PTPRD: variants seen among roughly 807,000 people sequenced by gnomAD.
PTPRD encodes the protein protein tyrosine phosphatase receptor type D.
PTPRD carries 34 observed loss-of-function variants against 214.5 expected under a neutral mutation model. That is an observed-to-expected ratio of 0.16 (90% CI 0.12 to 0.21). The LOEUF is 0.21. Ranked by LOEUF, PTPRD falls within the 10% of genes least tolerant of loss-of-function variation. PTPRD has a pLI of 1.00. For missense variants in PTPRD, 2,545 were observed against 2,398.7 expected (o/e 1.06, Z -1.27); for synonymous variants, 1,128 against 845.7 (o/e 1.33, Z -5.79).
At chr9:10,097,398 T>A (rs537764901) in intron 3 of PTPRD, among the ~76,000 whole-genome samples, 1 of 147,526 alleles carries the variant, frequency 6.8e-6, no homozygotes, top group South Asian at 2.2e-4. Context: ...TTTGTTTGTA[T>A]CCTCTTTTAT....
intron 11 of PTPRD, among the ~76,000 whole-genome samples, chr9:8,881,183 C>A (rs1316536720): frequency 2.6e-5 from 4 of 152,152 alleles, no homozygotes; most frequent in African/African-American, 4.8e-5. Flanking sequence ...ACTGTGGATA[C>A]AATGGGAAAG....
rs903223526 is a variant in PTPRD at position 10,140,605 on chromosome 9, C to A, written c.-544-106815G>T. Among the ~76,000 whole-genome samples, 8 of 152,066 alleles carry A rather than the reference C, an allele frequency of 5.3e-5. No homozygotes were observed. In the East Asian group the frequency reaches 1.6e-3, roughly 30 times the overall value. Reference sequence around the variant, plus strand: ...CAGGAGCTGAAATTGTGGCAATAATCAATAGCTTACCAACGAAAAAAGTCC... The same window carrying A: ...CAGGAGCTGAAATTGTGGCAATAATAAATAGCTTACCAACGAAAAAAGTCC... On this transcript the variant is annotated intron_variant, in intron 3 of 45. Transcript: ENST00000381196.
At chr9:8,436,031 C>T (rs906150955) in intron 35 of PTPRD, among the ~76,000 whole-genome samples, 2 of 152,148 alleles carry the variant, frequency 1.3e-5, no homozygotes, top group Non-Finnish European at 2.9e-5. Flanking sequence ...TATCACAAAT[C>T]AGTGTATTTG....
rs369359363 is a variant in PTPRD, at chr9:9,943,413, AATTCATTC to A, written c.-471-4811_-471-4804del. Among the ~76,000 whole-genome samples the A allele has an allele frequency of 1.4e-3, 215 of 152,240 alleles. 2 individuals carry two copies. In the Middle Eastern group the frequency reaches 0.048, roughly 34 times the overall value. ...AACGTCAGGTCAGTAAGAAGTTTGA[AATTCATTC>A]ATTCATTCATTCCCAAAATATTTGA... On this transcript the variant is annotated intron_variant, in intron 4 of 45. Transcript: ENST00000381196.
chr9:9,515,068 C>T (rs1210438540), intron 8 of PTPRD, among the ~76,000 whole-genome samples: 1 of 151,986 alleles, frequency 6.6e-6, no homozygotes, highest in African/African-American at 2.4e-5. Flanking sequence ...AAAGTCCAAC[C>T]TGGTTTCTCT....
chr9:8,488,396 ATAAT>A (rs1177159483), intron 27 of PTPRD, among the ~76,000 whole-genome samples: 2 of 152,238 alleles, frequency 1.3e-5, no homozygotes, highest in African/African-American at 4.8e-5. Context: ...TTTTAGATAA[ATAAT>A]TATTCAACAA....
intron 4 of PTPRD, among the ~76,000 whole-genome samples, chr9:9,972,302 G>C (rs1167312006): frequency 6.6e-6 from 1 of 152,034 alleles, no homozygotes; most frequent in Non-Finnish European, 1.5e-5. Context: ...GTGAAAACTT[G>C]CCCCTATTTT....
chr9:8,585,591 T>C (rs1024460093), intron 14 of PTPRD, among the ~76,000 whole-genome samples: 2 of 152,200 alleles, frequency 1.3e-5, no homozygotes, highest in Admixed American at 6.5e-5. Context: ...CCAACCACCA[T>C]ACATTGCAAA....
chr9:8,650,375 C>T (rs929886378), intron 12 of PTPRD, among the ~76,000 whole-genome samples: 4 of 151,758 alleles, frequency 2.6e-5, no homozygotes, highest in East Asian at 2.0e-4. Flanking sequence ...ACTAAAAATA[C>T]AAAATTAGGC....
chr9:9,369,484 G>C (rs1596487412), intron 9 of PTPRD, among the ~76,000 whole-genome samples: 1 of 151,970 alleles, frequency 6.6e-6, no homozygotes, highest in Non-Finnish European at 1.5e-5. Flanking sequence ...AAATTTGTTG[G>C]AGTTCATTGT....
intron 5 of PTPRD, among the ~76,000 whole-genome samples, chr9:9,810,078 G>A (rs1768871): frequency 0.56 from 81,881 of 145,816 alleles, 25,947 homozygotes; most frequent in East Asian, 0.88. Flanking sequence ...CTCCTCTTCA[G>A]GCTACTCAGT....
chr9:8,324,775 T>A (rs1207770701), intron 44 of PTPRD, among the ~76,000 whole-genome samples: 1 of 152,188 alleles, frequency 6.6e-6, no homozygotes, highest in African/African-American at 2.4e-5. Context: ...GTTTCCTGAC[T>A]TTTTAATGAT....
intron 2 of PTPRD, among the ~76,000 whole-genome samples, chr9:10,453,831 A>T (rs1037280444): frequency 6.6e-6 from 1 of 151,572 alleles, no homozygotes; most frequent in Non-Finnish European, 1.5e-5. Flanking sequence ...TTTCAGTACT[A>T]TGTTCAATGA....
At chr9:10,140,882 A>G (rs1297429516) in intron 3 of PTPRD, among the ~76,000 whole-genome samples, 1 of 151,896 alleles carries the variant, frequency 6.6e-6, no homozygotes, top group East Asian at 1.9e-4. Context: ...CCAGCAGCAC[A>G]TCAAAAAGCT....
At chr9:10,579,905 T>TC (rs2071085033) in intron 2 of PTPRD, among the ~76,000 whole-genome samples, 3 of 152,092 alleles carry the variant, frequency 2.0e-5, no homozygotes, top group Admixed American at 6.5e-5. Flanking sequence ...AATGCCTTTC[T>TC]TTTTTTTAAG....
intron 3 of PTPRD, among the ~76,000 whole-genome samples, chr9:10,261,081 GTATA>G (rs57737102): frequency 7.5e-4 from 109 of 145,626 alleles, no homozygotes; most frequent in African/African-American, 2.5e-3. Flanking sequence ...ATATATGTGT[GTATA>G]TATATATATA....
chr9:9,744,840 C>T (rs539585598), intron 6 of PTPRD, among the ~76,000 whole-genome samples: 3 of 151,870 alleles, frequency 2.0e-5, no homozygotes, highest in East Asian at 1.9e-4. Context: ...TATGTGAGCC[C>T]TCCAGCAATT....
In PTPRD at chr9:9,411,262, C is replaced by CTTTTTTTTTTTTTTT. The variant is rs34617237; in HGVS notation, c.-236-13781_-236-13780insAAAAAAAAAAAAAAA. 1.4e-5 allele frequency among the ~76,000 whole-genome samples: 2 copies of CTTTTTTTTTTTTTTT among 139,842 alleles called. 1 individual carries two copies. The highest frequency in any genetic ancestry group is 3.0e-5 in the Non-Finnish European group (2 of 65,584). The allele number at this position is 139,842 out of a possible 152,430, so 91.7% of individuals were successfully genotyped here. ...TCCCTGAGGATACATAGCATTGTGT[C>CTTTTTTTTTTTTTTT]TTTTTTTTTTTTTACGATAATTAAG... On this transcript the variant is annotated intron_variant, in intron 8 of 45. Transcript: ENST00000381196.
intron 9 of PTPRD, among the ~76,000 whole-genome samples, chr9:9,240,687 C>G (rs2099969932): frequency 6.6e-6 from 1 of 152,036 alleles, no homozygotes; most frequent in Non-Finnish European, 1.5e-5. Context: ...GCTAAACTTT[C>G]TTTAAGTTAT....
Sources: allele counts gnomAD v4.1 joint callset (sites outside exome capture counted in the v4.1 genomes callset), GRCh38; gene constraint gnomAD v4.1.1; transcripts MANE v1.5; gene names NCBI Gene and HGNC (gene_info 2026-07-23, HGNC 2026-07-21).